HSF2BP: variants seen among roughly 807,000 people sequenced by gnomAD.
The protein encoded by HSF2BP is heat shock factor 2-binding protein.
In HSF2BP, 35 loss-of-function variants were observed where a neutral mutation model predicts 35.0. That is an observed-to-expected ratio of 1.00 (90% confidence interval 0.76 to 1.32). HSF2BP has a LOEUF of 1.32. Ranked by LOEUF, HSF2BP falls within the 40% of genes most tolerant of loss-of-function variation. The probability of loss-of-function intolerance (pLI) is 0.00; values close to 1 mark genes in which losing one functional copy is unlikely to be tolerated. For synonymous variants in HSF2BP, 114 were observed against 117.4 expected, an observed-to-expected ratio of 0.97 and a Z score of 0.18; for missense variants, 326 against 321.7, an observed-to-expected ratio of 1.01 and a Z score of -0.10.
At chr21:43,645,411 C>T (rs558038025) in intron 3 of HSF2BP, among the ~76,000 whole-genome samples, 5 of 152,214 alleles carry the variant, frequency 3.3e-5, no homozygotes, top group South Asian at 2.1e-4. Flanking sequence ...TACTTCTGGG[C>T]GATAACCTGG....
At chr21:43,579,790 G>C (rs2081699268) in intron 8 of HSF2BP, among the ~76,000 whole-genome samples, 1 of 152,180 alleles carries the variant, frequency 6.6e-6, no homozygotes, top group Admixed American at 6.5e-5. Flanking sequence ...AACAGCCATT[G>C]TATTCTTCTC....
intron 4 of HSF2BP, among the ~76,000 whole-genome samples, chr21:43,639,037 A>G (rs1470459583): frequency 6.6e-6 from 1 of 152,254 alleles, no homozygotes; most frequent in Admixed American, 6.5e-5. Context: ...AAGCAATTCA[A>G]TGAAGGAGAG....
At chr21:43,610,917 C>T (rs75075234) in intron 7 of HSF2BP, among the ~76,000 whole-genome samples, 3,778 of 152,172 alleles carry the variant, frequency 0.025, 50 homozygotes, top group Middle Eastern at 0.065. Flanking sequence ...AACTTAAATG[C>T]CCATCAGTCA....
intron 3 of HSF2BP, among the ~76,000 whole-genome samples, chr21:43,652,020 C>T (rs2082793445): frequency 1.3e-5 from 2 of 152,338 alleles, no homozygotes; most frequent in African/African-American, 2.4e-5. Context: ...CCAAACAAAA[C>T]TATATCCACA....
At chr21:43,646,930 AGCACCCTG>A (rs1456546697) in intron 3 of HSF2BP, among the ~76,000 whole-genome samples, 1 of 152,206 alleles carries the variant, frequency 6.6e-6, no homozygotes, top group African/African-American at 2.4e-5. Context: ...GCTACCTAAA[AGCACCCTG>A]AAGGCAGGGA....
At chr21:43,615,210 A>C (rs2082256023) in intron 6 of HSF2BP, among the ~76,000 whole-genome samples, 1 of 152,250 alleles carries the variant, frequency 6.6e-6, no homozygotes, top group Admixed American at 6.5e-5. Context: ...ACCAAGGTGG[A>C]AAAGAGATGG....
At chr21:43,467,773 AC>A in the HSF2BP span, among the ~76,000 whole-genome samples, 13 of 61,416 alleles carry the variant, frequency 2.1e-4, 1 homozygote, top group South Asian at 3.8e-3. Context: ...CACCACACAC[AC>A]CACACCACAA....
At chr21:43,655,237 A>G (rs1227253409) in intron 3 of HSF2BP, among the ~76,000 whole-genome samples, 1 of 152,238 alleles carries the variant, frequency 6.6e-6, no homozygotes, top group African/African-American at 2.4e-5. Context: ...AGATAAATGC[A>G]CAAGGAATGA....
rs566793718 is a variant in HSF2BP at position 43,644,451 on chromosome 21, A to T, written c.188-59T>A. 6 of 1,364,198 alleles carry T rather than the reference A, an allele frequency of 4.4e-6. No homozygotes were observed. In the East Asian group the frequency reaches 1.4e-4, roughly 31 times the overall value. The allele number at this position is 1,364,198 out of a possible 1,614,324, so 84.5% of individuals were successfully genotyped here. On this transcript the variant is annotated intron_variant, in intron 3 of 8. Coordinates refer to ENST00000291560, the MANE Select transcript of HSF2BP (RefSeq NM_007031.2). ...TCAAGTCACTAATCTCTCCCTAAGC[A>T]TCTATTTTGCCCAGTCTTGACTTAG...
At chr21:43,638,589 T>C (rs1036801431) in intron 4 of HSF2BP, among the ~76,000 whole-genome samples, 1 of 152,146 alleles carries the variant, frequency 6.6e-6, no homozygotes, top group Non-Finnish European at 1.5e-5. Flanking sequence ...TGAAAATAAT[T>C]AGGTAAAAAT....
intron 3 of HSF2BP, among the ~76,000 whole-genome samples, chr21:43,650,702 CTTTTTT>C (rs998092548): frequency 1.2e-4 from 12 of 99,286 alleles, no homozygotes; most frequent in African/African-American, 2.4e-4. Flanking sequence ...TTCAGGCTTG[CTTTTTT>C]TTTTTTTTTT....
At chr21:43,631,558 T>G (rs1568927569) in intron 5 of HSF2BP, among the ~76,000 whole-genome samples, 1 of 152,174 alleles carries the variant, frequency 6.6e-6, no homozygotes, top group Admixed American at 6.5e-5. Context: ...GTCAGGTGAA[T>G]CTTTCTAAAA....
intron 8 of HSF2BP, among the ~76,000 whole-genome samples, chr21:43,574,507 G>A (rs188665292): frequency 8.7e-4 from 133 of 152,136 alleles, no homozygotes; most frequent in Middle Eastern, 3.4e-3. Flanking sequence ...ACAGGCACCC[G>A]CCACCACGCC....
chr21:43,581,729 C>T (rs1226211834), intron 8 of HSF2BP, among the ~76,000 whole-genome samples: 1 of 152,212 alleles, frequency 6.6e-6, no homozygotes, highest in African/African-American at 2.4e-5. Context: ...GCTCAGAGCA[C>T]ACACCCACCA....
At chr21:43,605,270 C>G (rs950986279) in intron 7 of HSF2BP, among the ~76,000 whole-genome samples, 3 of 148,786 alleles carry the variant, frequency 2.0e-5, no homozygotes, top group African/African-American at 7.4e-5. Flanking sequence ...TCACACACCA[C>G]AGATCACACA....
chr21:43,632,419 C>CCACA (rs1343430237), intron 5 of HSF2BP, among the ~76,000 whole-genome samples: 2 of 136,994 alleles, frequency 1.5e-5, no homozygotes, highest in Non-Finnish European at 3.2e-5. Context: ...ACACATGCTC[C>CCACA]CACACACACA....
intron 7 of HSF2BP, among the ~76,000 whole-genome samples, chr21:43,596,050 T>C (rs2081983519): frequency 6.6e-6 from 1 of 151,972 alleles, no homozygotes; most frequent in African/African-American, 2.4e-5. Flanking sequence ...AAAAGTTCAG[T>C]TCATCAGGAG....
At position 43,596,334 on chromosome 21, in the gene HSF2BP, G is replaced by A. The variant is rs192803412; in HGVS notation, c.693-4006C>T. On this transcript the variant is annotated intron_variant, in intron 7 of 8. Transcript: ENST00000291560. ...GTCAAAGAAATTATGAGGAAAATTGGGAAACTGAACAAGAATGAATATACA... is the reference window on the plus strand; with the variant it reads ...GTCAAAGAAATTATGAGGAAAATTGAGAAACTGAACAAGAATGAATATACA... Among the ~76,000 whole-genome samples, 148 of 151,640 alleles carry A rather than the reference G, an allele frequency of 9.8e-4. 2 individuals are homozygous for A. The highest frequency in any genetic ancestry group is 3.4e-3 in the African/African-American group (140 of 41,308).
chr21:43,649,175 C>A (rs1213341987), intron 3 of HSF2BP, among the ~76,000 whole-genome samples: 1 of 152,144 alleles, frequency 6.6e-6, no homozygotes, highest in Non-Finnish European at 1.5e-5. Flanking sequence ...CTGCCTCAGC[C>A]TCCCAAGTAG....
Sources: gnomAD v4.1 joint callset for allele counts (sites outside exome capture counted in the v4.1 genomes callset) on GRCh38, gnomAD v4.1.1 for gene constraint, MANE v1.5 for transcripts, NCBI Gene and HGNC (gene_info 2026-07-23, HGNC 2026-07-21) for gene names.